The following CUX2 variants were observed in gnomAD, a reference collection of about 807,000 sequenced individuals.
The protein encoded by CUX2 is cut like homeobox 2.
Under a neutral mutation model 144.8 loss-of-function variants are expected in CUX2, and 40 were observed. That is an observed-to-expected ratio of 0.28 (90% CI 0.21 to 0.36). The LOEUF (loss-of-function observed/expected upper bound fraction) is 0.36, where lower values mean the gene tolerates loss of function less well. CUX2 is among the 10% of genes least tolerant of loss of function. CUX2 has a pLI of 1.00. For synonymous variants in CUX2, 827 were observed against 875.6 expected (o/e 0.94, Z 0.98); for missense variants, 1,615 against 1,994.0 (o/e 0.81, Z 3.62).
At chr12:111,094,028 A>G (rs1309794855) in intron 1 of CUX2, among the ~76,000 whole-genome samples, 1 of 152,224 alleles carries the variant, frequency 6.6e-6, no homozygotes, top group Non-Finnish European at 1.5e-5. Context: ...AAGCCTTGCG[A>G]GGCTGTTTAA....
At chr12:111,296,070 C>T (rs777206826) in intron 7 of CUX2, among the ~76,000 whole-genome samples, 15 of 152,120 alleles carry the variant, frequency 9.9e-5, no homozygotes, top group Admixed American at 8.5e-4. Context: ...GTTGGAACCT[C>T]GGGGTGGTTG....
intron 3 of CUX2, among the ~76,000 whole-genome samples, chr12:111,241,808 C>A (rs57495702): frequency 0.026 from 3,897 of 152,378 alleles, 169 homozygotes; most frequent in African/African-American, 0.089. Flanking sequence ...CCACCCCTGA[C>A]AGCGTGACAC....
At position 111,320,307 on chromosome 12, in the gene CUX2, C is replaced by T. The variant is rs1221338735; in HGVS notation, c.2298C>T (p.Ala766=). Residue 766 remains alanine (A), a synonymous_variant, in exon 17 of 22, where the codon GCC becomes GCT. Transcript: ENST00000261726. The surrounding 1 kb of genome is among the most constrained non-coding windows in gnomAD (Gnocchi z 8.1). ...CGCTCCCGGTCCTGTCCCCCGCCGC[C>T]TTCGTGCAGAGCATCATCCGCAAGG... ...QAPLPVLSPA[A]FVQSIIRKVK... is the part of the protein sequence containing the mutation. 6 of 1,597,874 alleles carry T rather than the reference C, an allele frequency of 3.8e-6. No homozygotes were observed. The Admixed American group carries it at 1.0e-4, about 27-fold the overall frequency.
chr12:111,078,524 G>A (rs900955210), intron 1 of CUX2, among the ~76,000 whole-genome samples: 1 of 152,134 alleles, frequency 6.6e-6, no homozygotes, highest in Non-Finnish European at 1.5e-5. Flanking sequence ...TAATAAATTA[G>A]TTGGATGTGG....
intron 1 of CUX2, among the ~76,000 whole-genome samples, chr12:111,196,173 G>A (rs1364251387): frequency 6.6e-6 from 1 of 152,190 alleles, no homozygotes; most frequent in Non-Finnish European, 1.5e-5. Context: ...TGCCCATGTG[G>A]TAACATGTAT....
chr12:111,168,311 G>C (rs979755186), intron 1 of CUX2, among the ~76,000 whole-genome samples: 4 of 149,610 alleles, frequency 2.7e-5, no homozygotes, highest in Non-Finnish European at 4.5e-5. Flanking sequence ...TAGAGCTGTG[G>C]AGATCTGGGT....
chr12:111,069,559 CGT>C (rs145870308), intron 1 of CUX2, among the ~76,000 whole-genome samples: 1,696 of 148,262 alleles, frequency 0.011, 36 homozygotes, highest in African/African-American at 0.04. Context: ...TGTGCGCGCG[CGT>C]GTGTGTGTGT....
intron 1 of CUX2, among the ~76,000 whole-genome samples, chr12:111,078,953 C>T (rs1440439782): frequency 6.6e-6 from 1 of 152,208 alleles, no homozygotes; most frequent in Non-Finnish European, 1.5e-5. Flanking sequence ...CCAGCCTAGC[C>T]TAATGAGGCC....
intron 1 of CUX2, among the ~76,000 whole-genome samples, chr12:111,078,015 G>C (rs1391475818): frequency 6.6e-6 from 1 of 152,200 alleles, no homozygotes; most frequent in South Asian, 2.1e-4. Flanking sequence ...TCAGCTCTGG[G>C]GGTACCTGGG....
intron 3 of CUX2, among the ~76,000 whole-genome samples, chr12:111,250,958 A>G (rs1384610185): frequency 6.6e-6 from 1 of 152,176 alleles, no homozygotes; most frequent in East Asian, 1.9e-4. Context: ...ATATGACCAT[A>G]CAAAGAATTG....
intron 5 of CUX2, 52 bp downstream of exon 5, chr12:111,291,604 T>C (rs1338704170): frequency 2.0e-6 from 3 of 1,494,722 alleles, no homozygotes; most frequent in Middle Eastern, 1.8e-4. Flanking sequence ...AGGCTGCAGA[T>C]CTTCAGAGCC....
chr12:111,191,819 G>T (rs571167150), intron 1 of CUX2, among the ~76,000 whole-genome samples: 1 of 152,250 alleles, frequency 6.6e-6, no homozygotes, highest in South Asian at 2.1e-4. Context: ...CATGCCCAGA[G>T]GCCAGTGTCA....
At chr12:111,096,884 A>G (rs1426120751) in intron 1 of CUX2, among the ~76,000 whole-genome samples, 1 of 152,004 alleles carries the variant, frequency 6.6e-6, no homozygotes, top group East Asian at 1.9e-4. Flanking sequence ...AGGCTGAGGC[A>G]GAGAATTGCT....
chr12:111,217,976 C>A (rs1413339421), intron 3 of CUX2, 39 bp downstream of exon 3: 2 of 1,610,804 alleles, frequency 1.2e-6, no homozygotes, highest in African/African-American at 1.3e-5. Flanking sequence ...AAAAGTGCCC[C>A]CAATGGCTCC....
chr12:111,239,278 A>AT (rs1208210077), intron 3 of CUX2, among the ~76,000 whole-genome samples: 1 of 152,208 alleles, frequency 6.6e-6, no homozygotes, highest in African/African-American at 2.4e-5. Context: ...AGAAAAAAAA[A>AT]GTTGGTTTGC....
chr12:111,300,978 G>A (rs1023333103), intron 9 of CUX2, among the ~76,000 whole-genome samples: 1 of 150,530 alleles, frequency 6.6e-6, no homozygotes, highest in African/African-American at 2.5e-5. Context: ...GATGGAGGCT[G>A]CAGTGAGCTA....
At chr12:111,253,852 C>G (rs1361803957) in intron 3 of CUX2, among the ~76,000 whole-genome samples, 6 of 147,044 alleles carry the variant, frequency 4.1e-5, no homozygotes, top group Non-Finnish European at 8.9e-5. Flanking sequence ...GAGTCTCACT[C>G]TGTTTCCTCA....
At chr12:111,198,100 T>A (rs1448056174) in intron 1 of CUX2, among the ~76,000 whole-genome samples, 2 of 152,256 alleles carry the variant, frequency 1.3e-5, no homozygotes, top group Non-Finnish European at 2.9e-5. Flanking sequence ...TGAAATATTC[T>A]TTAGTTATCA....
At chr12:111,083,970 G>A (rs1009957840) in intron 1 of CUX2, among the ~76,000 whole-genome samples, 1 of 152,146 alleles carries the variant, frequency 6.6e-6, no homozygotes, top group Non-Finnish European at 1.5e-5. Context: ...CCATCTCCTC[G>A]AGTACCAGGG....
Sources: gnomAD v4.1 joint callset for allele counts (sites outside exome capture counted in the v4.1 genomes callset) on GRCh38, gnomAD v4.1.1 for gene constraint, Gnocchi (gnomAD v3.1) non-coding constraint, MANE v1.5 for transcripts, NCBI Gene and HGNC (gene_info 2026-07-23, HGNC 2026-07-21) for gene names.